Variants in CADM2 observed in about 807,000 individuals in gnomAD.
CADM2 encodes cell adhesion molecule 2.
In CADM2, 12 loss-of-function variants were observed where a neutral mutation model predicts 49.8. The observed-to-expected ratio is 0.24, with a 90% CI of 0.15 to 0.39. The LOEUF (loss-of-function observed/expected upper bound fraction) is 0.39, where lower values mean the gene tolerates loss of function less well. Among genes scored for constraint, CADM2 ranks in the 10% least tolerant of loss-of-function variants. The pLI, the probability that CADM2 is intolerant of heterozygous loss-of-function variation, is 1.00. For missense variants in CADM2, 378 were observed against 492.3 expected (o/e 0.77, Z 2.20); for synonymous variants, 214 against 175.4 (o/e 1.22, Z -1.74).
At chr3:85,846,103 CT>C (rs2074868151) in intron 3 of CADM2, among the ~76,000 whole-genome samples, 2 of 152,212 alleles carry the variant, frequency 1.3e-5, no homozygotes, top group Admixed American at 1.3e-4. Flanking sequence ...CCTTTGAATT[CT>C]GAAATGTTAT....
At chr3:85,466,561 CT>C (rs752458862) in intron 1 of CADM2, among the ~76,000 whole-genome samples, 9 of 152,104 alleles carry the variant, frequency 5.9e-5, no homozygotes, top group African/African-American at 9.7e-5. Flanking sequence ...CCAGTCACCC[CT>C]ATTCATAGAA....
chr3:85,379,857 A>G (rs1229328822), intron 1 of CADM2, among the ~76,000 whole-genome samples: 3 of 152,108 alleles, frequency 2.0e-5, no homozygotes, highest in Admixed American at 6.6e-5. Flanking sequence ...CTTTTATTCT[A>G]TAACTGGAGT....
At chr3:85,631,428 T>G (rs1278945451) in intron 1 of CADM2, among the ~76,000 whole-genome samples, 3 of 152,114 alleles carry the variant, frequency 2.0e-5, no homozygotes, top group Non-Finnish European at 2.9e-5. Flanking sequence ...ATGCTAAGGT[T>G]GAAATAACAT....
intron 1 of CADM2, among the ~76,000 whole-genome samples, chr3:85,646,092 A>T (rs1008430266): frequency 3.3e-5 from 5 of 152,004 alleles, no homozygotes; most frequent in African/African-American, 1.2e-4. Flanking sequence ...CTGTCATTTC[A>T]GTTAGTACCT....
intron 3 of CADM2, among the ~76,000 whole-genome samples, chr3:85,841,504 C>A (rs1405965328): frequency 6.6e-6 from 1 of 151,922 alleles, no homozygotes; most frequent in Non-Finnish European, 1.5e-5. Flanking sequence ...AGAGGAAACT[C>A]CCTATATTCA....
intron 1 of CADM2, among the ~76,000 whole-genome samples, chr3:85,258,697 A>G (rs943631063): frequency 6.6e-6 from 1 of 152,084 alleles, no homozygotes; most frequent in Non-Finnish European, 1.5e-5. Context: ...TACTTGATTT[A>G]TTTTATCTAA....
intron 1 of CADM2, among the ~76,000 whole-genome samples, chr3:85,304,037 A>T (rs994591210): frequency 1.3e-5 from 2 of 151,876 alleles, no homozygotes; most frequent in African/African-American, 4.8e-5. Flanking sequence ...GGGCTATTGT[A>T]TTTCACTTTT....
intron 1 of CADM2, among the ~76,000 whole-genome samples, chr3:85,253,997 T>C (rs1020124723): frequency 1.3e-5 from 2 of 152,072 alleles, no homozygotes; most frequent in African/African-American, 4.8e-5. Context: ...TCACATCTCA[T>C]GGTTGAAGGC....
At position 85,332,274 on chromosome 3, in the gene CADM2, AATTTCCAAAT is replaced by A. The variant is rs898088214; in HGVS notation, c.61+372607_61+372616del. Among the ~76,000 whole-genome samples the A allele has an allele frequency of 7.7e-4, 117 of 152,208 alleles. 1 individual carries two copies. The highest frequency in any genetic ancestry group is 2.8e-3 in the African/African-American group (115 of 41,570). On this transcript the variant is annotated intron_variant, in intron 1 of 9. Coordinates refer to ENST00000383699, the MANE Select transcript of CADM2 (RefSeq NM_001167675.2). ...TGGATCCTGAGAAATACAGGCTCCA[AATTTCCAAAT>A]GAGAATAAATATTTTGTGTTGTCTA...
At chr3:85,001,458 G>A (rs1487246950) in intron 1 of CADM2, among the ~76,000 whole-genome samples, 1 of 151,850 alleles carries the variant, frequency 6.6e-6, no homozygotes, top group Non-Finnish European at 1.5e-5. Context: ...AACTGTAACA[G>A]TTTGCAATAA....
chr3:86,039,796 C>T (rs1735629085), intron 8 of CADM2, among the ~76,000 whole-genome samples: 1 of 151,416 alleles, frequency 6.6e-6, no homozygotes, highest in Non-Finnish European at 1.5e-5. Context: ...TCAAGTGGGT[C>T]CCTGACCCCT....
chr3:85,244,003 A>C (rs950968671), intron 1 of CADM2, among the ~76,000 whole-genome samples: 1 of 152,082 alleles, frequency 6.6e-6, no homozygotes, highest in African/African-American at 2.4e-5. Context: ...TTATAGAAAA[A>C]CTGCTGTAAC....
chr3:85,628,217 G>T (rs140097603), intron 1 of CADM2, among the ~76,000 whole-genome samples: 1 of 152,000 alleles, frequency 6.6e-6, no homozygotes, highest in East Asian at 1.9e-4. Flanking sequence ...TTCTGCCTTT[G>T]CAGAAGGTGC....
intron 1 of CADM2, among the ~76,000 whole-genome samples, chr3:85,381,132 T>C (rs1388059860): frequency 6.6e-6 from 1 of 152,040 alleles, no homozygotes; most frequent in Non-Finnish European, 1.5e-5. Context: ...TGTATGTACG[T>C]GTGTATTGCA....
intron 1 of CADM2, among the ~76,000 whole-genome samples, chr3:85,125,977 G>A (rs535660607): frequency 9.2e-5 from 14 of 152,028 alleles, no homozygotes; most frequent in Admixed American, 6.6e-4. Context: ...TTAAACATCT[G>A]TATTCTCTTA....
intron 1 of CADM2, among the ~76,000 whole-genome samples, chr3:85,371,673 GTGTGTA>G (rs1485174650): frequency 1.9e-5 from 2 of 105,212 alleles, no homozygotes; most frequent in South Asian, 3.0e-4. Context: ...GTGTGTGTGT[GTGTGTA>G]TATATATATA....
At chr3:85,785,128 G>A (rs769329152) in intron 2 of CADM2, among the ~76,000 whole-genome samples, 3 of 152,032 alleles carry the variant, frequency 2.0e-5, no homozygotes, top group African/African-American at 7.2e-5. Flanking sequence ...TAGTTGTAAT[G>A]TATCATTTTT....
intron 1 of CADM2, among the ~76,000 whole-genome samples, chr3:85,537,756 G>GAA (rs372770917): frequency 2.0e-5 from 3 of 149,278 alleles, no homozygotes; most frequent in Non-Finnish European, 4.5e-5. Flanking sequence ...GATTCTGTGG[G>GAA]AAAAAAAAAT....
chr3:85,090,729 G>T (rs1575841990), intron 1 of CADM2, among the ~76,000 whole-genome samples: 1 of 152,180 alleles, frequency 6.6e-6, no homozygotes. Flanking sequence ...ACCACCTGCT[G>T]TCAGATTAGC....
Sources: gnomAD v4.1 joint callset for allele counts (sites outside exome capture counted in the v4.1 genomes callset) on GRCh38, gnomAD v4.1.1 for gene constraint, MANE v1.5 for transcripts, NCBI Gene and HGNC (gene_info 2026-07-23, HGNC 2026-07-21) for gene names.